The following TMPRSS11F variants were observed in gnomAD, a reference collection of about 807,000 sequenced individuals.
The protein encoded by TMPRSS11F is transmembrane serine protease 11F.
A neutral mutation model predicts 60.2 loss-of-function variants in TMPRSS11F; 47 were observed. The observed-to-expected ratio is 0.78, with a 90% confidence interval of 0.62 to 1.00. The LOEUF (loss-of-function observed/expected upper bound fraction) is 1.00. Among genes scored for constraint, TMPRSS11F ranks in the 50% least tolerant of loss-of-function variants. The probability of loss-of-function intolerance (pLI) is 0.00; values close to 1 mark genes in which losing one functional copy is unlikely to be tolerated. For synonymous variants in TMPRSS11F, 166 were observed against 167.3 expected (o/e 0.99, Z 0.06); for missense variants, 519 against 522.9 (o/e 0.99, Z 0.07).
intron 1 of TMPRSS11F, among the ~76,000 whole-genome samples, chr4:68,125,505 T>TGA (rs1724698195): frequency 1.3e-5 from 2 of 152,186 alleles, no homozygotes; most frequent in African/African-American, 4.8e-5. Flanking sequence ...ATCTCTGATA[T>TGA]GAGTTTGAAT....
At chr4:68,099,973 G>C (rs956475464) in intron 1 of TMPRSS11F, among the ~76,000 whole-genome samples, 1 of 151,844 alleles carries the variant, frequency 6.6e-6, no homozygotes, top group African/African-American at 2.4e-5. Context: ...ACTTTTTGAA[G>C]GGTTTTGTCA....
intron 1 of TMPRSS11F, among the ~76,000 whole-genome samples, chr4:68,111,583 T>A (rs1008781353): frequency 1.3e-5 from 2 of 152,198 alleles, no homozygotes. Context: ...GAAACTATTA[T>A]AATTATTATT....
chr4:68,106,770 G>A (rs1384764409), intron 1 of TMPRSS11F, among the ~76,000 whole-genome samples: 2 of 151,884 alleles, frequency 1.3e-5, no homozygotes, highest in Admixed American at 6.6e-5. Context: ...TGTACATGGG[G>A]GAAAATATTA....
chr4:68,094,987 A>G (rs1015275980), intron 2 of TMPRSS11F, among the ~76,000 whole-genome samples: 6 of 152,086 alleles, frequency 3.9e-5, no homozygotes, highest in African/African-American at 1.4e-4. Context: ...CAACAAAACC[A>G]ACAAACACAA....
intron 1 of TMPRSS11F, among the ~76,000 whole-genome samples, chr4:68,120,579 G>A (rs1460060366): frequency 2.0e-5 from 3 of 151,336 alleles, no homozygotes; most frequent in East Asian, 1.9e-4. Context: ...TAGTAGAGAC[G>A]GGGTTTCACC....
At chr4:68,087,480 T>C (rs987672734) in intron 3 of TMPRSS11F, among the ~76,000 whole-genome samples, 1 of 152,128 alleles carries the variant, frequency 6.6e-6, no homozygotes, top group African/African-American at 2.4e-5. Context: ...TCTCCACTCC[T>C]ATTCAACATA....
intron 3 of TMPRSS11F, among the ~76,000 whole-genome samples, chr4:68,074,847 A>C (rs1418734754): frequency 6.6e-6 from 1 of 152,216 alleles, no homozygotes; most frequent in Admixed American, 6.5e-5. Flanking sequence ...CTGTAATCCA[A>C]GCACTTTGGG....
At chr4:68,055,605 C>T (rs1257726623) in intron 9 of TMPRSS11F, among the ~76,000 whole-genome samples, 1 of 152,110 alleles carries the variant, frequency 6.6e-6, no homozygotes, top group African/African-American at 2.4e-5. Flanking sequence ...AAAGTCAAGT[C>T]TAGGACCAGA....
At chr4:68,072,226 A>ATATATATATATATATATATATATGT (rs61224244) in intron 5 of TMPRSS11F, 97 bp downstream of exon 5, 1 of 79,248 alleles carries the variant, frequency 1.3e-5, no homozygotes, top group East Asian at 6.0e-4. Flanking sequence ...TCTTCCAAAA[A>ATATATATATATATATATATATATGT]AAAAATATAT....
At chr4:68,086,364 G>A (rs1165621489) in intron 3 of TMPRSS11F, among the ~76,000 whole-genome samples, 1 of 152,096 alleles carries the variant, frequency 6.6e-6, no homozygotes, top group Non-Finnish European at 1.5e-5. Flanking sequence ...TCTTTGGGGT[G>A]CAGCTAAAGC....
intron 1 of TMPRSS11F, among the ~76,000 whole-genome samples, chr4:68,107,890 T>C (rs1431635935): frequency 2.0e-5 from 3 of 152,044 alleles, no homozygotes; most frequent in African/African-American, 7.2e-5. Flanking sequence ...TGAGCTGAGA[T>C]TGTGCCGCTG....
chr4:68,060,561 T>C (rs1723147426), intron 8 of TMPRSS11F, among the ~76,000 whole-genome samples: 1 of 149,000 alleles, frequency 6.7e-6, no homozygotes, highest in Non-Finnish European at 1.5e-5. Flanking sequence ...ACACTAGTTT[T>C]TTTTTCAGGA....
intron 1 of TMPRSS11F, among the ~76,000 whole-genome samples, chr4:68,115,121 G>A (rs866913763): frequency 2.6e-5 from 4 of 151,402 alleles, no homozygotes; most frequent in East Asian, 1.9e-4. Context: ...AGGCCGATGC[G>A]GGCAGATCAT....
At chr4:68,095,472 G>T (rs1339293569) in intron 2 of TMPRSS11F, among the ~76,000 whole-genome samples, 1 of 152,110 alleles carries the variant, frequency 6.6e-6, no homozygotes, top group African/African-American at 2.4e-5. Context: ...TGAGGATAAT[G>T]CTATATCCTA....
chr4:68,094,967 A>T (rs1240854098), intron 2 of TMPRSS11F, among the ~76,000 whole-genome samples: 10 of 152,108 alleles, frequency 6.6e-5, no homozygotes, highest in Non-Finnish European at 2.9e-5. Flanking sequence ...ATATAATTCC[A>T]GTAACTAAAC....
chr4:68,096,455 T>G (rs946746575), intron 2 of TMPRSS11F, among the ~76,000 whole-genome samples: 3 of 152,214 alleles, frequency 2.0e-5, no homozygotes, highest in Non-Finnish European at 2.9e-5. Context: ...TTGAAAAATT[T>G]TATGGAGTTG....
At chr4:68,088,120 C>A (rs28811893) in intron 3 of TMPRSS11F, among the ~76,000 whole-genome samples, 1 of 151,558 alleles carries the variant, frequency 6.6e-6, no homozygotes, top group Non-Finnish European at 1.5e-5. Flanking sequence ...GAGTCAAGAC[C>A]CATCAGTGTG....
intron 9 of TMPRSS11F, among the ~76,000 whole-genome samples, chr4:68,054,596 C>T (rs1723003694): frequency 6.6e-6 from 1 of 152,060 alleles, no homozygotes; most frequent in Non-Finnish European, 1.5e-5. Context: ...AACAAATAAA[C>T]ATGTGGTCGT....
chr4:68,124,839 G>T (rs1724686213), intron 1 of TMPRSS11F, among the ~76,000 whole-genome samples: 1 of 147,598 alleles, frequency 6.8e-6, no homozygotes, highest in African/African-American at 2.5e-5. Context: ...GTTTTGTTTT[G>T]TTTTTCTATT....
Sources: gnomAD v4.1 joint callset for allele counts (sites outside exome capture counted in the v4.1 genomes callset) on GRCh38, gnomAD v4.1.1 for gene constraint, MANE v1.5 for transcripts, NCBI Gene and HGNC (gene_info 2026-07-23, HGNC 2026-07-21) for gene names.